OPCML: variants seen among roughly 807,000 people sequenced by gnomAD.
OPCML encodes opioid-binding protein/cell adhesion molecule.
A neutral mutation model predicts 37.8 loss-of-function variants in OPCML; 13 were observed. The ratio of observed to expected loss-of-function variants is 0.34; its 90% confidence interval spans 0.22 to 0.55. The LOEUF (loss-of-function observed/expected upper bound fraction) is 0.55. Among genes scored for constraint, OPCML ranks in the 20% least tolerant of loss-of-function variants. OPCML has a pLI of 0.91. For missense variants in OPCML, 341 were observed against 435.6 expected (o/e 0.78, Z 1.93); for synonymous variants, 176 against 168.8 (o/e 1.04, Z -0.33).
chr11:132,421,604 C>CT (rs1489801690), intron 7 of OPCML, among the ~76,000 whole-genome samples: 12 of 152,294 alleles, frequency 7.9e-5, no homozygotes, highest in African/African-American at 2.4e-4. Context: ...ACATGAATAC[C>CT]TTTTCTTTCT....
rs182274177 is a variant in OPCML at position 132,987,021 on chromosome 11, C to T, written c.62-44011G>A. ...TGGGAGGGAGCACAGGACTTCAAGACGGGTTTCTAACTCTTCCTACCCTAA... is the reference window on the plus strand; with the variant it reads ...TGGGAGGGAGCACAGGACTTCAAGATGGGTTTCTAACTCTTCCTACCCTAA... On this transcript the variant is annotated intron_variant, in intron 1 of 7. Coordinates refer to ENST00000524381, the MANE Select transcript of OPCML (RefSeq NM_001012393.5). Among the ~76,000 whole-genome samples, 310 of 152,280 alleles carry T rather than the reference C, an allele frequency of 2.0e-3. 4 individuals carry two copies. Among genetic ancestry groups the T allele is most frequent in the Middle Eastern group, 3.4e-3 (1 of 292 alleles).
intron 2 of OPCML, among the ~76,000 whole-genome samples, chr11:132,720,260 G>A (rs1235334392): frequency 1.3e-5 from 2 of 152,166 alleles, no homozygotes; most frequent in East Asian, 3.9e-4. Context: ...ACATCTGATG[G>A]CATCTGTACC....
intron 1 of OPCML, among the ~76,000 whole-genome samples, chr11:133,440,049 C>A (rs1036549046): frequency 6.6e-6 from 1 of 152,008 alleles, no homozygotes; most frequent in Non-Finnish European, 1.5e-5. Flanking sequence ...AACCAACAAA[C>A]TTTTTAGCCA....
rs767990932 is a variant in OPCML at position 132,436,783 on chromosome 11, T to C, written c.644-4A>G. On this transcript the variant is annotated splice_region_variant and splice_polypyrimidine_tract_variant and intron_variant, in intron 5 of 7. Coordinates refer to ENST00000524381, the MANE Select transcript of OPCML (RefSeq NM_001012393.5). ...GCTTTTGAGATATAGGGAGGATCTG[T>C]GGGAAACACACACACACACATGCAC... 3 of 1,613,804 alleles carry C rather than the reference T, an allele frequency of 1.9e-6. No individual in the cohort carries two copies. The highest frequency in any genetic ancestry group is 2.5e-6 in the Non-Finnish European group (3 of 1,179,912).
intron 2 of OPCML, among the ~76,000 whole-genome samples, chr11:132,661,899 A>G (rs1329378596): frequency 6.6e-6 from 1 of 152,246 alleles, no homozygotes; most frequent in African/African-American, 2.4e-5. Flanking sequence ...CCCAAGGCAC[A>G]GATAAGAAAA....
intron 2 of OPCML, among the ~76,000 whole-genome samples, chr11:132,732,372 T>A (rs1396476358): frequency 1.3e-5 from 2 of 152,142 alleles, no homozygotes; most frequent in African/African-American, 4.8e-5. Flanking sequence ...TAAGAGAGAT[T>A]GTGGTGTTGT....
At chr11:132,974,739 C>T (rs1053311606) in intron 1 of OPCML, among the ~76,000 whole-genome samples, 2 of 152,076 alleles carry the variant, frequency 1.3e-5, no homozygotes, top group South Asian at 2.1e-4. Context: ...TATTCTTAAA[C>T]CTTCAACTTC....
At chr11:133,301,532 G>A (rs923204337) in intron 1 of OPCML, 1 of 152,146 alleles carries the variant, frequency 6.6e-6, no homozygotes, top group Non-Finnish European at 1.5e-5. Context: ...AACATTGAGA[G>A]CTTTTGTTAG....
intron 4 of OPCML, among the ~76,000 whole-genome samples, chr11:132,485,812 T>C (rs1476231850): frequency 6.6e-6 from 1 of 152,238 alleles, no homozygotes; most frequent in African/African-American, 2.4e-5. Context: ...TGGTAGTCCA[T>C]GTACCCTGTT....
rs138771262 is a variant in OPCML, at chr11:132,680,096, T to C, written c.147-22777A>G. ...GGTCTACAGAGTGCAATTTCCCATGTCACTGTGGCAAATTCAGGTGCTGTG... is the reference window on the plus strand; with the variant it reads ...GGTCTACAGAGTGCAATTTCCCATGCCACTGTGGCAAATTCAGGTGCTGTG... On this transcript the variant is annotated intron_variant, in intron 2 of 7. Transcript: ENST00000524381. 6.5e-3 allele frequency among the ~76,000 whole-genome samples: 989 copies of C among 152,332 alleles called. 14 individuals carry two copies. Among genetic ancestry groups the C allele is most frequent in the African/African-American group, 0.022 (927 of 41,578 alleles).
intron 1 of OPCML, among the ~76,000 whole-genome samples, chr11:133,529,685 C>A (rs1252411231): frequency 6.6e-6 from 1 of 152,146 alleles, no homozygotes; most frequent in Non-Finnish European, 1.5e-5. Flanking sequence ...GTCAAGGTTC[C>A]ATTATTACAT....
chr11:132,810,007 G>A (rs970136492), intron 2 of OPCML, among the ~76,000 whole-genome samples: 14 of 151,832 alleles, frequency 9.2e-5, no homozygotes, highest in Non-Finnish European at 1.6e-4. Context: ...CCGCCACCAC[G>A]CCCGGCTAAT....
In OPCML at chr11:132,627,127, A is replaced by T. The variant is rs193026899; in HGVS notation, c.379+29960T>A. On this transcript the variant is annotated intron_variant, in intron 3 of 7. Coordinates refer to ENST00000524381, the MANE Select transcript of OPCML (RefSeq NM_001012393.5). Reference sequence around the variant, plus strand: ...GGAAATGATTACTGAATTGCTTACAAAACTTAGGAAGAGGAGATATAAGAT... The same window carrying T: ...GGAAATGATTACTGAATTGCTTACATAACTTAGGAAGAGGAGATATAAGAT... Among the ~76,000 whole-genome samples, 1,113 of 152,196 alleles carry T rather than the reference A, an allele frequency of 7.3e-3. 6 individuals carry two copies. Among genetic ancestry groups the T allele is most frequent in the African/African-American group, 0.025 (1,056 of 41,524 alleles).
intron 1 of OPCML, among the ~76,000 whole-genome samples, chr11:133,412,829 T>C (rs1389469172): frequency 6.6e-6 from 1 of 152,240 alleles, no homozygotes; most frequent in Non-Finnish European, 1.5e-5. Context: ...GTGACTGTTA[T>C]GTACAGGACA....
chr11:133,174,875 G>A lies in OPCML; in HGVS notation c.62-231865C>T, dbSNP rs908370395. ...CCAGCACTTTGGGAGGCCAAGGCAG[G>A]AGGATCACTTGAGATCAGGAGTTTA... On this transcript the variant is annotated intron_variant, in intron 1 of 7. Coordinates refer to ENST00000524381, the MANE Select transcript of OPCML (RefSeq NM_001012393.5). This position sits in a 1 kb window ranked among gnomAD's most constrained non-coding sequence, Gnocchi z 4.6. Among the ~76,000 whole-genome samples the A allele has an allele frequency of 4.6e-5, 7 of 152,170 alleles. No homozygotes were observed. The highest frequency in any genetic ancestry group is 1.4e-4 in the African/African-American group (6 of 41,456).
chr11:132,492,576 G>A (rs1047112045), intron 4 of OPCML, among the ~76,000 whole-genome samples: 1 of 152,042 alleles, frequency 6.6e-6, no homozygotes. Flanking sequence ...GGTTGAGAAG[G>A]GGCCAGGAAA....
At chr11:133,289,691 T>C (rs1426943478) in intron 1 of OPCML, among the ~76,000 whole-genome samples, 2 of 152,260 alleles carry the variant, frequency 1.3e-5, no homozygotes, top group Non-Finnish European at 2.9e-5. Flanking sequence ...TGTTCTTTAT[T>C]CACTGTTAAG....
intron 1 of OPCML, among the ~76,000 whole-genome samples, chr11:133,496,966 C>T (rs1947800796): frequency 6.6e-6 from 1 of 152,060 alleles, no homozygotes; most frequent in African/African-American, 2.4e-5. Context: ...CGTGGGCATC[C>T]CTGTCTTGTT....
chr11:133,215,447 A>T (rs1380923028), intron 1 of OPCML, among the ~76,000 whole-genome samples: 2 of 152,202 alleles, frequency 1.3e-5, no homozygotes, highest in Non-Finnish European at 2.9e-5. Flanking sequence ...TGAAAGGCAC[A>T]TCAAAAGTCA....
Sources: allele counts gnomAD v4.1 joint callset (sites outside exome capture counted in the v4.1 genomes callset), GRCh38; gene constraint gnomAD v4.1.1; non-coding constraint Gnocchi (gnomAD v3.1); transcripts MANE v1.5; gene names NCBI Gene and HGNC (gene_info 2026-07-23, HGNC 2026-07-21).